Variants in SPEN observed in about 807,000 individuals in gnomAD.
The protein encoded by SPEN is spen family transcriptional repressor.
Under a neutral mutation model 269.9 loss-of-function variants are expected in SPEN, and 18 were observed. The observed-to-expected ratio is 0.07, with a 90% CI of 0.05 to 0.10. The LOEUF is 0.10. Ranked by LOEUF, SPEN falls within the 10% of genes least tolerant of loss-of-function variation. SPEN has a pLI of 1.00. For synonymous variants in SPEN, 1,726 were observed against 1,765.7 expected (o/e 0.98, Z 0.56); for missense variants, 3,822 against 4,631.2 (o/e 0.83, Z 5.07).
chr1:15,847,805 C>T lies in SPEN; in HGVS notation c.-263C>T, dbSNP rs1039577316. 4.8e-5 allele frequency: 11 copies of T among 228,816 alleles called. No homozygotes were observed. Among genetic ancestry groups the T allele is most frequent in the South Asian group, 1.6e-4 (1 of 6,330 alleles). 14.2% of individuals were successfully genotyped at this position (228,816 alleles called of 1,614,324 possible). A position where few individuals can be genotyped will look rare whatever the true frequency, so the allele number is the denominator to read the frequency against. On this transcript the variant is annotated 5_prime_UTR_variant, in exon 1 of 15. Coordinates refer to ENST00000375759, the MANE Select transcript of SPEN (RefSeq NM_015001.3). Reference sequence around the variant, plus strand: ...TCCCGCTCCCCCGCCCGCCCCTGCCCGGGCGCATGCGCTGCCGGAGCGCGA... The same window carrying T: ...TCCCGCTCCCCCGCCCGCCCCTGCCTGGGCGCATGCGCTGCCGGAGCGCGA...
chr1:15,866,580 A>C (rs912518273), intron 1 of SPEN, among the ~76,000 whole-genome samples: 1 of 152,142 alleles, frequency 6.6e-6, no homozygotes. Flanking sequence ...GTCTCGATCT[A>C]CTGACCTCGT....
Position 15,932,288 on chromosome 1 carries a change from G to A in SPEN, c.6048G>A (p.Glu2016=). Residue 2016 remains glutamate (E), a synonymous_variant, in exon 11 of 15, where the codon GAG becomes GAA. Coordinates refer to ENST00000375759, the MANE Select transcript of SPEN (RefSeq NM_015001.3). The surrounding 1 kb of genome is among the most constrained non-coding windows in gnomAD (Gnocchi z 4.2). ...VDATRPEATT[E]VGPQIGVKES... The stretch of plus-strand genomic sequence containing the variant: ...CTACACGTCCTGAGGCCACCACTGA[G>A]GTGGGCCCCCAAATAGGCGTGAAAG... The A allele has an allele frequency of 1.2e-6, 2 of 1,607,724 alleles. No individual in the cohort carries two copies. Among genetic ancestry groups the A allele is most frequent in the Non-Finnish European group, 1.7e-6 (2 of 1,177,608 alleles).
chr1:15,867,200 T>G (rs1187349514), intron 1 of SPEN, among the ~76,000 whole-genome samples: 2 of 152,210 alleles, frequency 1.3e-5, no homozygotes, highest in African/African-American at 4.8e-5. Flanking sequence ...TTTGCATGGA[T>G]TTGCCTATTT....
chr1:15,852,520 C>T (rs1262020967), intron 1 of SPEN, among the ~76,000 whole-genome samples: 1 of 151,910 alleles, frequency 6.6e-6, no homozygotes. Flanking sequence ...TTTTATTTCC[C>T]AAAAGGAACG....
intron 3 of SPEN, among the ~76,000 whole-genome samples, chr1:15,886,106 T>C (rs911877830): frequency 2.2e-4 from 34 of 152,242 alleles, no homozygotes; most frequent in African/African-American, 8.0e-4. Flanking sequence ...TACAGCATTT[T>C]AGTAAAGTTT....
At chr1:15,858,537 C>T (rs534005367) in intron 1 of SPEN, among the ~76,000 whole-genome samples, 4 of 152,280 alleles carry the variant, frequency 2.6e-5, no homozygotes, top group South Asian at 2.1e-4. Context: ...TGCATAAGTA[C>T]GCCCTGTTGT....
intron 10 of SPEN, 104 bp from the exon 11 acceptor site, chr1:15,927,987 T>C (rs1423538255): frequency 1.8e-6 from 2 of 1,093,626 alleles, no homozygotes; most frequent in Admixed American, 5.5e-5. Context: ...TTAAATAATG[T>C]CAAAAGATTT....
chr1:15,874,453 T>C, intron 2 of SPEN: 1 of 1,242,114 alleles, frequency 8.1e-7, no homozygotes, highest in South Asian at 1.4e-5. Context: ...TCAAACTCTC[T>C]TTTTTTCCCC....
At chr1:15,864,314 G>A (rs1016336011) in intron 1 of SPEN, among the ~76,000 whole-genome samples, 1 of 151,946 alleles carries the variant, frequency 6.6e-6, no homozygotes, top group East Asian at 1.9e-4. Flanking sequence ...GACTACAGGC[G>A]CTTGCCACCA....
At chr1:15,903,327 A>G (rs768196094) in intron 3 of SPEN, among the ~76,000 whole-genome samples, 4 of 152,114 alleles carry the variant, frequency 2.6e-5, no homozygotes, top group Non-Finnish European at 5.9e-5. Flanking sequence ...TCATTTTTTC[A>G]ATAATCTTAA....
intron 3 of SPEN, among the ~76,000 whole-genome samples, chr1:15,894,239 G>A (rs757546118): frequency 6.6e-6 from 1 of 152,150 alleles, no homozygotes; most frequent in African/African-American, 2.4e-5. Context: ...GTATTTGACA[G>A]TTTAAATTTT....
chr1:15,898,805 C>T (rs1306626923), intron 3 of SPEN, among the ~76,000 whole-genome samples: 2 of 151,990 alleles, frequency 1.3e-5, no homozygotes, highest in African/African-American at 2.4e-5. Context: ...TCAGGTGATC[C>T]GTCCACCTTG....
intron 3 of SPEN, among the ~76,000 whole-genome samples, chr1:15,880,908 G>GT (rs1230490061): frequency 6.6e-6 from 1 of 152,190 alleles, no homozygotes; most frequent in African/African-American, 2.4e-5. Flanking sequence ...AGGGAACACT[G>GT]TGGGCAGAAG....
In SPEN at chr1:15,932,887, C is replaced by T; in HGVS notation, c.6647C>T (p.Ala2216Val). ...PAHQASETEL[A>V]AAIGSIINDI... ...CACCAAGCAAGTGAAACAGAGCTGG[C>T]TGCGGCCATCGGCTCCATCATCAAT... is the stretch of plus-strand genomic sequence containing the variant. The change falls in exon 11 of 15, where the codon GCT becomes GTT. Residue 2216 changes from alanine (A) to valine (V), a missense_variant. Ala to Val is a moderately conservative substitution (Grantham distance 64). Coordinates refer to ENST00000375759, the MANE Select transcript of SPEN (RefSeq NM_015001.3). The surrounding 1 kb of genome is among the most constrained non-coding windows in gnomAD (Gnocchi z 4.2). The T allele has an allele frequency of 6.2e-7, 1 of 1,614,248 alleles. No homozygotes were observed. Among genetic ancestry groups the T allele is most frequent in the Non-Finnish European group, 8.5e-7 (1 of 1,180,040 alleles).
intron 5 of SPEN, 152 bp from the exon 6 acceptor site, chr1:15,915,976 T>G: frequency 1.2e-6 from 1 of 845,618 alleles, no homozygotes; most frequent in South Asian, 2.6e-5. Flanking sequence ...GGGTGGCTAT[T>G]TCTGAAGGTG....
At chr1:15,880,916 A>C (rs1230900632) in intron 3 of SPEN, among the ~76,000 whole-genome samples, 1 of 152,206 alleles carries the variant, frequency 6.6e-6, no homozygotes, top group Non-Finnish European at 1.5e-5. Context: ...CTGTGGGCAG[A>C]AGGAACAACC....
chr1:15,932,894 C>T lies in SPEN; in HGVS notation c.6654C>T (p.Ala2218=). 6.2e-7 allele frequency: 1 copy of T among 1,614,262 alleles called. No individual in the cohort carries two copies. Among genetic ancestry groups the T allele is most frequent in the Non-Finnish European group, 8.5e-7 (1 of 1,180,048 alleles). The change falls in exon 11 of 15, where the codon GCC becomes GCT. Residue 2218 remains alanine, a synonymous_variant. Transcript: ENST00000375759. The surrounding 1 kb of genome is among the most constrained non-coding windows in gnomAD (Gnocchi z 4.2). Reference sequence around the variant, plus strand: ...CAAGTGAAACAGAGCTGGCTGCGGCCATCGGCTCCATCATCAATGACATTT... The same window carrying T: ...CAAGTGAAACAGAGCTGGCTGCGGCTATCGGCTCCATCATCAATGACATTT... ...HQASETELAA[A]IGSIINDISG...
intron 10 of SPEN, among the ~76,000 whole-genome samples, chr1:15,923,927 C>CA (rs1306381074): frequency 2.0e-5 from 3 of 152,182 alleles, no homozygotes; most frequent in Admixed American, 2.0e-4. Flanking sequence ...CTTGGCCTCT[C>CA]AAAGTGCTGG....
At chr1:15,879,664 C>G (rs1298202713) in intron 3 of SPEN, among the ~76,000 whole-genome samples, 1 of 148,554 alleles carries the variant, frequency 6.7e-6, no homozygotes, top group East Asian at 1.9e-4. Context: ...TGACATCTGA[C>G]CAGCAGACAA....
Sources: gnomAD v4.1 joint callset for allele counts (sites outside exome capture counted in the v4.1 genomes callset) on GRCh38, gnomAD v4.1.1 for gene constraint, Gnocchi (gnomAD v3.1) non-coding constraint, MANE v1.5 for transcripts, NCBI Gene and HGNC (gene_info 2026-07-23, HGNC 2026-07-21) for gene names.